CACNA1I: variants seen among roughly 807,000 people sequenced by gnomAD.
CACNA1I encodes calcium voltage-gated channel subunit alpha1 I, also known as voltage-dependent T-type calcium channel subunit alpha-1I.
A neutral mutation model predicts 201.6 loss-of-function variants in CACNA1I; 74 were observed. That is an observed-to-expected ratio of 0.37 (90% CI 0.30 to 0.45). CACNA1I has a LOEUF of 0.45. CACNA1I is among the 20% of genes least tolerant of loss of function. The pLI is 1.00. For synonymous variants in CACNA1I, 1,431 were observed against 1,345.2 expected (o/e 1.06, Z -1.40); for missense variants, 2,346 against 3,138.1 (o/e 0.75, Z 6.03).
chr22:39,632,711 G>A (rs1032421454), intron 4 of CACNA1I, among the ~76,000 whole-genome samples: 1 of 152,238 alleles, frequency 6.6e-6, no homozygotes, highest in Non-Finnish European at 1.5e-5. Flanking sequence ...GTGAGTGAAT[G>A]AATGAATGAA....
chr22:39,634,841 G>C (rs1934163834), intron 5 of CACNA1I, 117 bp downstream of exon 5: 1 of 968,270 alleles, frequency 1.0e-6, no homozygotes, highest in Non-Finnish European at 1.5e-6. Flanking sequence ...AAAAAGAGAG[G>C]TCAGGTAGGA....
At chr22:39,681,623 C>G (rs1460756720) in intron 34 of CACNA1I, among the ~76,000 whole-genome samples, 2 of 152,082 alleles carry the variant, frequency 1.3e-5, no homozygotes, top group Non-Finnish European at 2.9e-5. Flanking sequence ...CTGAGGAGGC[C>G]TGCAGGCCAG....
In CACNA1I at chr22:39,659,881, C is replaced by A. The variant is rs1393717795; in HGVS notation, c.2604+29C>A. On this transcript the variant is annotated intron_variant, in intron 14 of 36. Coordinates refer to ENST00000402142, the MANE Select transcript of CACNA1I (RefSeq NM_021096.4). This position sits in a 1 kb window ranked among gnomAD's most constrained non-coding sequence, Gnocchi z 4.3. ...ACTGTGGTCTTGGCAGAGGAAGCAC[C>A]CCCACAGGGTCTGCGAAAGACTGGG... 6.2e-7 allele frequency: 1 copy of A among 1,613,078 alleles called. No individual in the cohort carries two copies. Among genetic ancestry groups the A allele is most frequent in the East Asian group, 2.2e-5 (1 of 44,872 alleles).
Position 39,585,271 on chromosome 22 carries a change from C to G in CACNA1I, c.237-12880C>G, listed in dbSNP as rs549954798. Among the ~76,000 whole-genome samples, 27 of 151,998 alleles carry G rather than the reference C, an allele frequency of 1.8e-4. No individual in the cohort carries two copies. The South Asian group carries it at 5.4e-3, about 30-fold the overall frequency. ...AGAGACAGGGTTTCACCATGTTGGT[C>G]AGGCTGGTCTTGAACTCCTGACCTC... On this transcript the variant is annotated intron_variant, in intron 1 of 36. Transcript: ENST00000402142.
intron 23 of CACNA1I, among the ~76,000 whole-genome samples, chr22:39,667,401 C>T (rs1030419290): frequency 1.3e-5 from 2 of 152,264 alleles, no homozygotes; most frequent in East Asian, 1.9e-4. Context: ...GTGGCAGGAG[C>T]GCAGAGGGGG....
chr22:39,588,381 CTTTCTTTT>C lies in CACNA1I; in HGVS notation c.237-9766_237-9759del, dbSNP rs1470088005. On this transcript the variant is annotated intron_variant, in intron 1 of 36. Transcript: ENST00000402142. ...TTCAAGGCGTTTTCTTTCTTTCTTT[CTTTCTTTT>C]TTTTTTTTTTTTTTGAGGCAGAGTC... Among the ~76,000 whole-genome samples, 65 of 84,322 alleles carry C rather than the reference CTTTCTTTT, an allele frequency of 7.7e-4. No individual in the cohort carries two copies. In the South Asian group the frequency reaches 7.9e-3, roughly 10 times the overall value. 55.3% of individuals were successfully genotyped at this position (84,322 alleles called of 152,430 possible). A position where few individuals can be genotyped will look rare whatever the true frequency, so the allele number is the denominator to read the frequency against.
intron 1 of CACNA1I, among the ~76,000 whole-genome samples, chr22:39,585,493 G>A (rs1392930679): frequency 7.0e-6 from 1 of 142,750 alleles, no homozygotes; most frequent in African/African-American, 2.6e-5. Flanking sequence ...GATTTTAAGC[G>A]ATTCTCCTGC....
chr22:39,670,834 T>C lies in CACNA1I; in HGVS notation c.4419T>C (p.Tyr1473=), dbSNP rs1303366033. 4.3e-6 allele frequency: 7 copies of C among 1,613,866 alleles called. No homozygotes were observed. The South Asian group carries it at 7.7e-5, about 18-fold the overall frequency. Reference sequence around the variant, plus strand: ...AGCGGCTGCCCTACTATGCCACCTATTGTCACACCCGGCTGCTCATCCACT... The same window carrying C: ...AGCGGCTGCCCTACTATGCCACCTACTGTCACACCCGGCTGCTCATCCACT... ...KAQRLPYYAT[Y]CHTRLLIHSM... is the part of the protein sequence containing the mutation. Residue 1473 remains tyrosine (Y), a synonymous_variant, in exon 26 of 37, where the codon TAT becomes TAC. Transcript: ENST00000402142.
chr22:39,638,379 T>G (rs1201477292), intron 5 of CACNA1I, among the ~76,000 whole-genome samples: 1 of 152,238 alleles, frequency 6.6e-6, no homozygotes, highest in East Asian at 1.9e-4. Context: ...GTATTTGGGT[T>G]GGATGTGTAC....
chr22:39,645,794 C>T (rs1328550068), intron 7 of CACNA1I, among the ~76,000 whole-genome samples: 1 of 152,226 alleles, frequency 6.6e-6, no homozygotes, highest in African/African-American at 2.4e-5. Context: ...GAGAGGAGCC[C>T]CACTCGTGGA....
At chr22:39,609,615 C>T (rs145610589) in intron 3 of CACNA1I, among the ~76,000 whole-genome samples, 2,211 of 152,276 alleles carry the variant, frequency 0.015, 23 homozygotes, top group Middle Eastern at 0.024. Flanking sequence ...ATTTTCTTTC[C>T]GGGATCCTTC....
Position 39,659,874 on chromosome 22 carries a change from G to C in CACNA1I, c.2604+22G>C, listed in dbSNP as rs772738929. On this transcript the variant is annotated intron_variant, in intron 14 of 36. Transcript: ENST00000402142. This position sits in a 1 kb window ranked among gnomAD's most constrained non-coding sequence, Gnocchi z 4.3. ...GGAGGTGACTGTGGTCTTGGCAGAG[G>C]AAGCACCCCCACAGGGTCTGCGAAA... The C allele has an allele frequency of 6.2e-7, 1 of 1,613,392 alleles. No homozygotes were observed. The highest frequency in any genetic ancestry group is 2.2e-5 in the East Asian group (1 of 44,888).
chr22:39,616,246 C>T lies in CACNA1I; in HGVS notation c.483-3064C>T, dbSNP rs897506479. On this transcript the variant is annotated intron_variant, in intron 3 of 36. Transcript: ENST00000402142. ...TTTCTGTTCCCCTCCAAGATGGGGG[C>T]GGATGGCGGGGAGGTTGCCCAAGTC... Among the ~76,000 whole-genome samples the T allele has an allele frequency of 1.8e-4, 27 of 152,138 alleles. 1 individual carries two copies. Among genetic ancestry groups the T allele is most frequent in the Admixed American group, 1.2e-3 (18 of 15,282 alleles).
chr22:39,580,096 C>T (rs1349278355), intron 1 of CACNA1I, among the ~76,000 whole-genome samples: 4 of 152,182 alleles, frequency 2.6e-5, no homozygotes, highest in African/African-American at 7.2e-5. Flanking sequence ...CATTGGGGAT[C>T]ATGTTTCACA....
At position 39,686,224 on chromosome 22, in the gene CACNA1I, G is replaced by A. The variant is rs1231753179; in HGVS notation, c.6491G>A (p.Arg2164His). 4.8e-6 allele frequency: 6 copies of A among 1,238,700 alleles called. No individual in the cohort carries two copies. The African/African-American group carries it at 6.4e-5, about 13-fold the overall frequency. 76.7% of individuals were successfully genotyped at this position (1,238,700 alleles called of 1,614,324 possible). ...SSTSSLAAPG[R>H]PHAAALAHGL... ...ACCAGCAGCCTGGCCGCCCCCGGCC[G>A]CCCCCACGCCGCCGCCCTGGCCCAC... The change falls in exon 37 of 37, where the codon CGC (arginine) becomes CAC (histidine). Residue 2164 changes from arginine (R) to histidine (H), a missense_variant. Arg to His is a conservative substitution (Grantham distance 29). Coordinates refer to ENST00000402142, the MANE Select transcript of CACNA1I (RefSeq NM_021096.4).
chr22:39,590,880 C>G (rs1273487052), intron 1 of CACNA1I, among the ~76,000 whole-genome samples: 2 of 152,214 alleles, frequency 1.3e-5, no homozygotes, highest in Admixed American at 1.3e-4. Flanking sequence ...GGATCTCGCT[C>G]TGTCGCTCAG....
At chr22:39,574,076 C>T (rs1263692584) in intron 1 of CACNA1I, among the ~76,000 whole-genome samples, 3 of 152,260 alleles carry the variant, frequency 2.0e-5, no homozygotes, top group East Asian at 3.9e-4. Context: ...AGAGATGTGG[C>T]GACTCAAAAG....
At chr22:39,616,144 G>A (rs1933529191) in intron 3 of CACNA1I, among the ~76,000 whole-genome samples, 1 of 152,194 alleles carries the variant, frequency 6.6e-6, no homozygotes, top group South Asian at 2.1e-4. Context: ...CTGGGCCAAT[G>A]TGTTGCTCCA....
chr22:39,594,567 G>A (rs1053981325), intron 1 of CACNA1I, among the ~76,000 whole-genome samples: 93 of 152,100 alleles, frequency 6.1e-4, no homozygotes, highest in African/African-American at 2.2e-3. Flanking sequence ...GCTGGGGCCA[G>A]GAGGAGCTGA....
Sources: allele counts gnomAD v4.1 joint callset (sites outside exome capture counted in the v4.1 genomes callset), GRCh38; gene constraint gnomAD v4.1.1; non-coding constraint Gnocchi (gnomAD v3.1); transcripts MANE v1.5; gene names NCBI Gene and HGNC (gene_info 2026-07-23, HGNC 2026-07-21).